Variants in UQCRC2 observed in about 807,000 individuals in gnomAD.
UQCRC2 encodes cytochrome b-c1 complex subunit 2, mitochondrial.
A neutral mutation model predicts 55.6 loss-of-function variants in UQCRC2; 49 were observed. The observed-to-expected ratio is 0.88, with a 90% CI of 0.70 to 1.12. UQCRC2 has a LOEUF of 1.12. Among genes scored for constraint, UQCRC2 ranks in the 50% most tolerant of loss-of-function variants. UQCRC2 has a pLI of 0.00. For missense variants in UQCRC2, 506 were observed against 547.8 expected (o/e 0.92, Z 0.76); for synonymous variants, 193 against 192.0 (o/e 1.01, Z -0.04).
rs1368701520 is a variant in UQCRC2 at position 21,973,981 on chromosome 16, GT to G, written c.1047+7del. On this transcript the variant is annotated splice_donor_region_variant and intron_variant, in intron 11 of 13. Coordinates refer to ENST00000268379, the MANE Select transcript of UQCRC2 (RefSeq NM_003366.4). Reference sequence around the variant, plus strand: ...CAGGCCACAGCTGCTGGAGATGTAAGTTGCAAACTCACCAAACTTCTTTCAT... The same window carrying G: ...CAGGCCACAGCTGCTGGAGATGTAAGTGCAAACTCACCAAACTTCTTTCAT... 16 of 1,601,956 alleles carry G rather than the reference GT, an allele frequency of 1.0e-5. No individual in the cohort carries two copies. Among genetic ancestry groups the G allele is most frequent in the Non-Finnish European group, 1.3e-5 (15 of 1,176,954 alleles).
chr16:21,953,570 A>C (rs1456208933), intron 1 of UQCRC2, 114 bp downstream of exon 1: 1 of 1,361,902 alleles, frequency 7.3e-7, no homozygotes, highest in East Asian at 2.5e-5. Flanking sequence ...TCTGCCCTTC[A>C]GCTGAACCCT....
At position 21,957,471 on chromosome 16, in the gene UQCRC2, G is replaced by A. The variant is rs1318383001; in HGVS notation, c.172G>A (p.Val58Ile). The change falls in exon 3 of 14, where the codon GTA becomes ATA. Residue 58 changes from valine (V) to isoleucine (I), a missense_variant. By Grantham distance (29) the Val-to-Ile change is conservative. Transcript: ENST00000268379. ...TGCTTCTTTGGAAAACTATTCTCCT[G>A]TATCAAGAATTGGTTTGTTCATTAA... Reference protein sequence around the residue: ...VIASLENYSPVSRIGLFIKAG... With the variant: ...VIASLENYSPISRIGLFIKAG... The A allele has an allele frequency of 2.5e-6, 4 of 1,614,110 alleles. No homozygotes were observed. The highest frequency in any genetic ancestry group is 3.3e-5 in the Admixed American group (2 of 60,016).
At chr16:21,980,830 A>C in intron 13 of UQCRC2, 130 bp downstream of exon 13, 1 of 1,074,010 alleles carries the variant, frequency 9.3e-7, no homozygotes, top group Non-Finnish European at 1.3e-6. Flanking sequence ...CTTAATGTGG[A>C]GGCAGGAGGG....
Position 21,953,373 on chromosome 16 carries a change from C to A in UQCRC2, c.-51C>A. 1 of 1,604,866 alleles carries A rather than the reference C, an allele frequency of 6.2e-7. No homozygotes were observed. The highest frequency in any genetic ancestry group is 1.1e-5 in the South Asian group (1 of 89,012). ...GGAAACTCCCGGCCTCCGCCACCAT[C>A]TTGCTTTCCTTTAATCCGGCAGTGA... On this transcript the variant is annotated 5_prime_UTR_variant, in exon 1 of 14. Transcript: ENST00000268379.
rs1211920188 is a variant in UQCRC2 at position 21,957,531 on chromosome 16, G to A, written c.232G>A (p.Gly78Arg). 2 of 1,614,094 alleles carry A rather than the reference G, an allele frequency of 1.2e-6. No individual in the cohort carries two copies. The highest frequency in any genetic ancestry group is 1.7e-6 in the Non-Finnish European group (2 of 1,180,004). ...GSRYEDFSNL[G>R]TTHLLRLTSS... Reference sequence around the variant, plus strand: ...TAGATATGAGGACTTCAGCAATTTAGGAACCACCCATTTGCTGCGTCTTAC... The same window carrying A: ...TAGATATGAGGACTTCAGCAATTTAAGAACCACCCATTTGCTGCGTCTTAC... The change falls in exon 3 of 14, where the codon GGA becomes AGA. Residue 78 changes from glycine (G) to arginine (R), a missense_variant. Transcript: ENST00000268379.
At chr16:21,980,463 A>AT in intron 12 of UQCRC2, 84 bp from the exon 13 acceptor site, 1 of 1,442,586 alleles carries the variant, frequency 6.9e-7, no homozygotes, top group South Asian at 1.3e-5. Flanking sequence ...TAAAGCTTTG[A>AT]TGTTCACAGC....
At chr16:21,977,525 C>G (rs553048326) in intron 12 of UQCRC2, among the ~76,000 whole-genome samples, 6 of 152,064 alleles carry the variant, frequency 3.9e-5, no homozygotes, top group Non-Finnish European at 8.8e-5. Context: ...GACTAAAATA[C>G]TTGTCTGCTA....
At chr16:21,957,988 C>T (rs1898119167) in intron 3 of UQCRC2, among the ~76,000 whole-genome samples, 2 of 152,146 alleles carry the variant, frequency 1.3e-5, no homozygotes. Context: ...AGATTTAGTG[C>T]CCACTATAAT....
intron 5 of UQCRC2, 111 bp downstream of exon 5, chr16:21,962,627 G>T: frequency 6.3e-7 from 1 of 1,590,276 alleles, no homozygotes; most frequent in African/African-American, 1.3e-5. Context: ...TTGGATTATT[G>T]TTCATAAACT....
intron 12 of UQCRC2, among the ~76,000 whole-genome samples, chr16:21,978,726 C>T (rs1466128686): frequency 1.3e-5 from 2 of 152,160 alleles, no homozygotes; most frequent in East Asian, 3.8e-4. Flanking sequence ...ACTTGGTGAA[C>T]TGAAGAAATA....
chr16:21,968,689 A>C lies in UQCRC2; in HGVS notation c.670+4A>C, dbSNP rs1567474545. The C allele has an allele frequency of 6.2e-7, 1 of 1,605,230 alleles. No homozygotes were observed. On this transcript the variant is annotated splice_donor_region_variant and intron_variant, in intron 8 of 13. Coordinates refer to ENST00000268379, the MANE Select transcript of UQCRC2 (RefSeq NM_003366.4). Reference sequence around the variant, plus strand: ...AGAATGGCTTTGATTGGACTTGGTAAGTTTAGAGTATTGCCTGCCTGTCAG... The same window carrying C: ...AGAATGGCTTTGATTGGACTTGGTACGTTTAGAGTATTGCCTGCCTGTCAG...
chr16:21,971,596 G>A lies in UQCRC2; in HGVS notation c.742G>A (p.Gly248Ser). 6.2e-7 allele frequency: 1 copy of A among 1,614,136 alleles called. No homozygotes were observed. Among genetic ancestry groups the A allele is most frequent in the Non-Finnish European group, 8.5e-7 (1 of 1,180,020 alleles). Residue 248 changes from glycine (G) to serine (S), a missense_variant, in exon 9 of 14, where the codon GGT becomes AGT. Physicochemically the swap from Gly to Ser is moderately conservative, Grantham distance 56 (BLOSUM62 0). Coordinates refer to ENST00000268379, the MANE Select transcript of UQCRC2 (RefSeq NM_003366.4). ...CATGAGGGGTGGGCTTGGTTTATCTGGTGCAAAGGCCAACTACCGTGGAGG... is the reference window on the plus strand; with the variant it reads ...CATGAGGGGTGGGCTTGGTTTATCTAGTGCAAAGGCCAACTACCGTGGAGG... ...LNMRGGLGLS[G>S]AKANYRGGEI...
chr16:21,971,513 C>A lies in UQCRC2; in HGVS notation c.671-12C>A, dbSNP rs1048190756. On this transcript the variant is annotated splice_polypyrimidine_tract_variant and intron_variant, in intron 8 of 13. Transcript: ENST00000268379. ...TGTGGTTCTAGCTTTGTTTTTGCTT[C>A]TGTTGAAACAGGTGTGAGTCATCCT... 7.5e-6 allele frequency: 12 copies of A among 1,591,388 alleles called. No individual in the cohort carries two copies. The highest frequency in any genetic ancestry group is 1.4e-5 in the African/African-American group (1 of 73,848).
intron 7 of UQCRC2, among the ~76,000 whole-genome samples, chr16:21,968,290 C>T (rs1352556248): frequency 6.6e-6 from 1 of 152,170 alleles, no homozygotes; most frequent in Admixed American, 6.5e-5. Flanking sequence ...ACATGAGCTA[C>T]TGCACCCAGC....
At chr16:21,960,104 T>A (rs1898165648) in intron 4 of UQCRC2, among the ~76,000 whole-genome samples, 1 of 152,212 alleles carries the variant, frequency 6.6e-6, no homozygotes, top group Non-Finnish European at 1.5e-5. Context: ...CGTTTGAAGC[T>A]TTGACGCCAG....
In UQCRC2 at chr16:21,976,229, T is replaced by C. The variant is rs2141945481; in HGVS notation, c.1110T>C (p.Asp370=). The C allele has an allele frequency of 6.2e-7, 1 of 1,613,726 alleles. No homozygotes were observed. The highest frequency in any genetic ancestry group is 8.5e-7 in the Non-Finnish European group (1 of 1,179,624). The change falls in exon 12 of 14, where the codon GAT becomes GAC. Residue 370 remains aspartate, a synonymous_variant. Transcript: ENST00000268379. ...TIAQGNLSNT[D]VQAAKNKLKA... ...CTCAAGGAAACCTTTCCAACACAGA[T>C]GTCCAAGCTGCCAAGTAAGTCTCAG...
At chr16:21,954,024 A>T (rs1455800319) in intron 1 of UQCRC2, among the ~76,000 whole-genome samples, 1 of 152,144 alleles carries the variant, frequency 6.6e-6, no homozygotes, top group East Asian at 1.9e-4. Flanking sequence ...TGTCCTCAAA[A>T]GCTCCTTAAT....
chr16:21,983,250 T>C lies in UQCRC2; in HGVS notation c.*79T>C, dbSNP rs754246900. On this transcript the variant is annotated 3_prime_UTR_variant, in exon 14 of 14. Coordinates refer to ENST00000268379, the MANE Select transcript of UQCRC2 (RefSeq NM_003366.4). ...CAAACACATGAAAGTCAGAAGTCTC[T>C]AATATATCATTTGTCTTTTTTCCAG... The C allele has an allele frequency of 7.9e-7, 1 of 1,262,710 alleles. No individual in the cohort carries two copies. Among genetic ancestry groups the C allele is most frequent in the Non-Finnish European group, 1.1e-6 (1 of 898,644 alleles). The allele number at this position is 1,262,710 out of a possible 1,614,324, so 78.2% of individuals were successfully genotyped here.
intron 4 of UQCRC2, chr16:21,961,234 T>C: frequency 5.5e-6 from 2 of 363,004 alleles, no homozygotes; most frequent in South Asian, 2.0e-5. Context: ...AATCAAGGAA[T>C]ATCTGGTAAT....
Sources: allele counts gnomAD v4.1 joint callset (sites outside exome capture counted in the v4.1 genomes callset), GRCh38; gene constraint gnomAD v4.1.1; transcripts MANE v1.5; gene names NCBI Gene and HGNC (gene_info 2026-07-23, HGNC 2026-07-21).